AGA: variants seen among roughly 807,000 people sequenced by gnomAD.
The protein encoded by AGA is N(4)-(beta-N-acetylglucosaminyl)-L-asparaginase.
Under a neutral mutation model 40.1 loss-of-function variants are expected in AGA, and 31 were observed. The ratio of observed to expected loss-of-function variants is 0.77; its 90% CI spans 0.58 to 1.04. The LOEUF is 1.04. Among genes scored for constraint, AGA ranks in the 50% least tolerant of loss-of-function variants. AGA has a pLI of 0.00. For synonymous variants in AGA, 148 were observed against 144.0 expected, an observed-to-expected ratio of 1.03 and a Z score of -0.20; for missense variants, 445 against 435.4, an observed-to-expected ratio of 1.02 and a Z score of -0.20.
At chr4:177,435,798 G>A (rs1255640744) in intron 6 of AGA, among the ~76,000 whole-genome samples, 3 of 140,918 alleles carry the variant, frequency 2.1e-5, no homozygotes, top group East Asian at 2.1e-4. Flanking sequence ...GCACGCACAC[G>A]CACACATACA....
At chr4:177,433,708 C>T (rs1243453468) in intron 7 of AGA, among the ~76,000 whole-genome samples, 4 of 152,172 alleles carry the variant, frequency 2.6e-5, no homozygotes, top group Non-Finnish European at 1.5e-5. Context: ...TGCATGGGCA[C>T]AACATCTAGC....
rs1158333127 is a variant in AGA, at chr4:177,439,680, A to G, written c.290T>C (p.Met97Thr). 1.9e-6 allele frequency: 3 copies of G among 1,606,734 alleles called. No individual in the cohort carries two copies. In the Admixed American group the frequency reaches 5.0e-5, roughly 27 times the overall value. Residue 97 changes from methionine (M) to threonine (T), a missense_variant, in exon 3 of 9, where the codon ATG becomes ACG. Physicochemically the swap from Met to Thr is moderately conservative, Grantham distance 81. Coordinates refer to ENST00000264595, the MANE Select transcript of AGA (RefSeq NM_000027.4). ...GAGATCTCCTACTGCTCCTACATCCATAGTAGTGCTGCAAGAAAATAGAAT... is the reference window on the plus strand; with the variant it reads ...GAGATCTCCTACTGCTCCTACATCCGTAGTAGTGCTGCAAGAAAATAGAAT... ...LDAMIMDGTT[M>T]DVGAVGDLRR...
rs530097962 is a variant in AGA, at chr4:177,432,772, C to T, written c.940+442G>A. 6.6e-5 allele frequency among the ~76,000 whole-genome samples: 10 copies of T among 152,200 alleles called. No individual in the cohort carries two copies. The South Asian group carries it at 1.9e-3, about 28-fold the overall frequency. ...GCAAAAATAATTCTGCTAACCTCTT[C>T]GGTTTACTAATTAGTAATACATTTT... On this transcript the variant is annotated intron_variant, in intron 8 of 8. Transcript: ENST00000264595.
rs558350983 is a variant in AGA, at chr4:177,433,312, T to A, written c.842A>T (p.Asp281Val). ...CACTTTTTGGCAAGCTATGGTTGGA[T>A]CTTCTCCTCTTCTCATGTATTCTAC... Reference protein sequence around the residue: ...QAVEYMRRGEDPTIACQKVIS... With the variant: ...QAVEYMRRGEVPTIACQKVIS... The change falls in exon 8 of 9, where the codon GAT becomes GTT. Residue 281 changes from aspartate to valine, a missense_variant. Transcript: ENST00000264595. 1 of 1,614,074 alleles carries A rather than the reference T, an allele frequency of 6.2e-7. No individual in the cohort carries two copies. The highest frequency in any genetic ancestry group is 2.2e-5 in the East Asian group (1 of 44,846).
In AGA at chr4:177,442,339, G is replaced by A. The variant is rs767943976; in HGVS notation, c.37C>T (p.Pro13Ser). The change falls in exon 1 of 9, where the codon CCG (proline) becomes TCG (serine). Residue 13 changes from proline to serine, a missense_variant. Physicochemically the swap from Pro to Ser is moderately conservative, Grantham distance 74 (BLOSUM62 -1). Coordinates refer to ENST00000264595, the MANE Select transcript of AGA (RefSeq NM_000027.4). ...ACTAGGGCCTGGCAGAGCAGAAACG[G>A]CACGAGAAGCACAGGCAAGTTCGAC... ...RKSNLPVLLVPFLLCQALVRC... is the reference protein window; with the variant it reads ...RKSNLPVLLVSFLLCQALVRC... 5 of 1,614,130 alleles carry A rather than the reference G, an allele frequency of 3.1e-6. No individual in the cohort carries two copies. Among genetic ancestry groups the A allele is most frequent in the South Asian group, 1.1e-5 (1 of 91,090 alleles).
In AGA at chr4:177,434,328, GA is replaced by G. The variant is rs368433225; in HGVS notation, c.806+53del. The G allele has an allele frequency of 3.7e-4, 562 of 1,531,100 alleles. 1 individual carries two copies. In the African/African-American group the frequency reaches 7.0e-3, roughly 19 times the overall value. The allele number at this position is 1,531,100 out of a possible 1,614,324, so 94.8% of individuals were successfully genotyped here. ...TCAAAAATTATTTTCTATCTTAAAA[GA>G]AAAAAATATCTTCTCCAAAGGTCTC... On this transcript the variant is annotated intron_variant, in intron 7 of 8. Transcript: ENST00000264595.
chr4:177,441,156 A>ACACTTCAAGCAT (rs6148810), intron 1 of AGA, among the ~76,000 whole-genome samples: 79,313 of 151,732 alleles, frequency 0.52, 20,905 homozygotes, highest in Admixed American at 0.55. Context: ...TGGTTGGTAA[A>ACACTTCAAGCAT]CACTACAGCA....
At chr4:177,438,231 G>T (rs1273681344) in intron 4 of AGA, among the ~76,000 whole-genome samples, 2 of 152,086 alleles carry the variant, frequency 1.3e-5, no homozygotes, top group Non-Finnish European at 2.9e-5. Context: ...GGAAGAAATA[G>T]ATGAGAGACT....
chr4:177,436,306 G>A lies in AGA; in HGVS notation c.668C>T (p.Ser223Phe), dbSNP rs1039067399. ...TATTTTGAATTTTATACCATTTGTAGATGTACCAGCAGCAATATGTCCTGT... is the reference window on the plus strand; with the variant it reads ...TATTTTGAATTTTATACCATTTGTAAATGTACCAGCAGCAATATGTCCTGT... ...HKTGHIAAGT[S>F]TNGIKFKIHG... Residue 223 changes from serine to phenylalanine, a missense_variant, in exon 6 of 9, where the codon TCT (serine) becomes TTT (phenylalanine). Transcript: ENST00000264595. 1.9e-6 allele frequency: 3 copies of A among 1,613,160 alleles called. No homozygotes were observed. Among genetic ancestry groups the A allele is most frequent in the Non-Finnish European group, 2.5e-6 (3 of 1,179,614 alleles).
rs1736768753 is a variant in AGA at position 177,435,091 on chromosome 4, A to G, written c.699-602T>C. ...AATTTTTTGTATTTTTTTTTTTTTC[A>G]GTAGAGACTGGGTTTCACCATGTTG... On this transcript the variant is annotated intron_variant, in intron 6 of 8. Transcript: ENST00000264595. 2.0e-5 allele frequency among the ~76,000 whole-genome samples: 3 copies of G among 146,626 alleles called. No homozygotes were observed. The Admixed American group carries it at 2.0e-4, about 10-fold the overall frequency.
In AGA at chr4:177,431,778, G is replaced by A. The variant is rs1736643790; in HGVS notation, c.971C>T (p.Thr324Ile). ...ATTATAAACCATGAAACTAAACTGAGTAAATGTTGAAAGTTTATTGCAAGC... is the reference window on the plus strand; with the variant it reads ...ATTATAAACCATGAAACTAAACTGAATAAATGTTGAAAGTTTATTGCAAGC... ...GAACNKLSTF[T>I]QFSFMVYNSE... Residue 324 changes from threonine (T) to isoleucine (I), a missense_variant, in exon 9 of 9, where the codon ACT (threonine) becomes ATT (isoleucine). Thr to Ile is a moderately conservative substitution (Grantham distance 89). Coordinates refer to ENST00000264595, the MANE Select transcript of AGA (RefSeq NM_000027.4). 5.0e-6 allele frequency: 8 copies of A among 1,613,904 alleles called. No individual in the cohort carries two copies. The highest frequency in any genetic ancestry group is 6.8e-6 in the Non-Finnish European group (8 of 1,179,858).
intron 1 of AGA, among the ~76,000 whole-genome samples, chr4:177,441,612 A>G (rs1737015194): frequency 6.6e-6 from 1 of 152,150 alleles, no homozygotes; most frequent in Admixed American, 6.5e-5. Context: ...CCTGTCTGCA[A>G]ATCGAAATCA....
Position 177,438,777 on chromosome 4 carries a change from G to A in AGA, c.475C>T (p.Leu159Phe), listed in dbSNP as rs1226418187. The A allele has an allele frequency of 1.2e-6, 2 of 1,609,230 alleles. No individual in the cohort carries two copies. The highest frequency in any genetic ancestry group is 8.5e-7 in the Non-Finnish European group (1 of 1,175,490). ...TAATTTGGCTGGCAATTCCGAGCAA[G>A]CCAATCTGAATGAAGAGCTTGAGAA... ...TASQALHSDWLARNCQPNYWR... is the reference protein window; with the variant it reads ...TASQALHSDWFARNCQPNYWR... The change falls in exon 4 of 9, where the codon CTT (leucine) becomes TTT (phenylalanine). Residue 159 changes from leucine to phenylalanine, a missense_variant. Leu to Phe is a conservative substitution (Grantham distance 22, BLOSUM62 0). Transcript: ENST00000264595.
intron 6 of AGA, among the ~76,000 whole-genome samples, chr4:177,435,922 C>A (rs1230435149): frequency 6.6e-6 from 1 of 152,090 alleles, no homozygotes; most frequent in East Asian, 1.9e-4. Context: ...CACACATACA[C>A]ACACCCCAGT....
intron 7 of AGA, 63 bp from the exon 8 acceptor site, chr4:177,433,410 C>T: frequency 1.9e-6 from 3 of 1,603,362 alleles, no homozygotes; most frequent in Non-Finnish European, 2.6e-6. Context: ...AATTGGGTTA[C>T]TTGAAGTTAG....
In AGA at chr4:177,440,440, C is replaced by T. The variant is rs769452319; in HGVS notation, c.128-14G>A. The stretch of plus-strand genomic sequence containing the variant: ...ATGCCCTCCACGCTGTTAATCAAAT[C>T]CCAATAATGCTTGTTTATATATATA... On this transcript the variant is annotated splice_polypyrimidine_tract_variant and intron_variant, in intron 1 of 8. Transcript: ENST00000264595. 1.1e-5 allele frequency: 18 copies of T among 1,612,774 alleles called. No individual in the cohort carries two copies. Among genetic ancestry groups the T allele is most frequent in the Middle Eastern group, 3.4e-4 (2 of 5,808 alleles).
rs908615786 is a variant in AGA at position 177,435,797 on chromosome 4, C to T, written c.698+479G>A. On this transcript the variant is annotated intron_variant, in intron 6 of 8. Transcript: ENST00000264595. Reference sequence around the variant, plus strand: ...TGGGAGCCCTGAGCGTGCACGCACACGCACACATACACACACACACCCCTT... The same window carrying T: ...TGGGAGCCCTGAGCGTGCACGCACATGCACACATACACACACACACCCCTT... Among the ~76,000 whole-genome samples, 11 of 150,862 alleles carry T rather than the reference C, an allele frequency of 7.3e-5. No individual in the cohort carries two copies. In the South Asian group the frequency reaches 8.4e-4, roughly 12 times the overall value.
Position 177,431,043 on chromosome 4 carries a change from G to A in AGA, c.*665C>T, listed in dbSNP as rs1736614893. 2.2e-6 allele frequency: 1 copy of A among 453,974 alleles called. No homozygotes were observed. The highest frequency in any genetic ancestry group is 1.6e-5 in the South Asian group (1 of 64,464). 28.1% of individuals were successfully genotyped at this position (453,974 alleles called of 1,614,324 possible). On this transcript the variant is annotated 3_prime_UTR_variant, in exon 9 of 9. Coordinates refer to ENST00000264595, the MANE Select transcript of AGA (RefSeq NM_000027.4). The stretch of plus-strand genomic sequence containing the variant: ...AAGAAACGATCAATACTAAATATTA[G>A]CAGCTAAAACATCATTGATTCTTGT...
At chr4:177,434,361 T>C in intron 7 of AGA, 21 bp downstream of exon 7, 2 of 1,607,418 alleles carry the variant, frequency 1.2e-6, no homozygotes, top group Non-Finnish European at 1.7e-6. Flanking sequence ...TCTCTAAAAT[T>C]CACAAACTAA....
Sources: gnomAD v4.1 joint callset for allele counts (sites outside exome capture counted in the v4.1 genomes callset) on GRCh38, gnomAD v4.1.1 for gene constraint, MANE v1.5 for transcripts, NCBI Gene and HGNC (gene_info 2026-07-23, HGNC 2026-07-21) for gene names.